The following NEK5 variants were observed in gnomAD, a reference collection of about 807,000 sequenced individuals.
The protein encoded by NEK5 is NIMA related kinase 5.
Under a neutral mutation model 109.2 loss-of-function variants are expected in NEK5, and 88 were observed. The observed-to-expected ratio is 0.81, with a 90% confidence interval of 0.68 to 0.96. The LOEUF is 0.96. Among genes scored for constraint, NEK5 ranks in the 40% least tolerant of loss-of-function variants. The probability of loss-of-function intolerance (pLI) is 0.00; values close to 1 mark genes in which losing one functional copy is unlikely to be tolerated. For synonymous variants in NEK5, 283 were observed against 299.9 expected (o/e 0.94, Z 0.58); for missense variants, 834 against 920.7 (o/e 0.91, Z 1.22).
At chr13:52,127,275 T>C in intron 3 of NEK5, 91 bp downstream of exon 3, 1 of 741,066 alleles carries the variant, frequency 1.3e-6, no homozygotes, top group Non-Finnish European at 2.3e-6. Context: ...AAATTCGAAA[T>C]TATAAAAAAT....
Position 52,104,513 on chromosome 13 carries a change from G to A in NEK5, c.594C>T (p.Cys198=), listed in dbSNP as rs1231973542. 13 of 1,604,950 alleles carry A rather than the reference G, an allele frequency of 8.1e-6. No homozygotes were observed. The East Asian group carries it at 2.9e-4, about 36-fold the overall frequency. Residue 198 remains cysteine (C), a synonymous_variant, in exon 9 of 24, where the codon TGC becomes TGT. Coordinates refer to ENST00000684899, the MANE Select transcript of NEK5 (RefSeq NM_001365552.1). ...GCATACTTACAGGATGTTTAAGTGT[G>A]CAGAGCTCATATAAGACACAGCCAA... ...WSLGCVLYEL[C]TLKHPFEGNN... is the part of the protein sequence containing the mutation.
At chr13:52,127,005 T>C (rs559034868) in intron 3 of NEK5, among the ~76,000 whole-genome samples, 51 of 152,276 alleles carry the variant, frequency 3.3e-4, no homozygotes, top group African/African-American at 1.2e-3. Flanking sequence ...AGGAGGGCCA[T>C]AGGAGCCACA....
In NEK5 at chr13:52,118,163, A is replaced by G. The variant is rs549109261; in HGVS notation, c.214+1156T>C. On this transcript the variant is annotated intron_variant, in intron 4 of 23. Transcript: ENST00000684899. ...GTGCTCTGCACAGTTTACATACTCA[A>G]GACACAGTGGCTGTATTTATTTATT... 7.2e-5 allele frequency among the ~76,000 whole-genome samples: 11 copies of G among 152,382 alleles called. No individual in the cohort carries two copies. The South Asian group carries it at 2.1e-3, about 29-fold the overall frequency.
chr13:52,119,775 C>G (rs1955934287), intron 3 of NEK5, among the ~76,000 whole-genome samples: 1 of 152,112 alleles, frequency 6.6e-6, no homozygotes, highest in Non-Finnish European at 1.5e-5. Flanking sequence ...GGAGCAATCA[C>G]TGCTGAGAAG....
chr13:52,042,922 G>A (rs1429029793), intron 23 of NEK5, among the ~76,000 whole-genome samples: 4 of 151,922 alleles, frequency 2.6e-5, no homozygotes, highest in Admixed American at 6.6e-5. Context: ...GTATGGTAGA[G>A]TGAAATCCAA....
chr13:52,066,238 G>A (rs1263086428), intron 20 of NEK5, among the ~76,000 whole-genome samples: 2 of 152,096 alleles, frequency 1.3e-5, no homozygotes, highest in Non-Finnish European at 2.9e-5. Flanking sequence ...CTTTATGAAT[G>A]TAATATAACT....
chr13:52,052,191 A>C (rs1185952987), intron 22 of NEK5, among the ~76,000 whole-genome samples: 1 of 151,750 alleles, frequency 6.6e-6, no homozygotes, highest in African/African-American at 2.4e-5. Context: ...TCTCCCTAAA[A>C]TGTATAAAAG....
chr13:52,111,140 A>C (rs764068373), intron 5 of NEK5, among the ~76,000 whole-genome samples: 2 of 152,216 alleles, frequency 1.3e-5, no homozygotes, highest in Non-Finnish European at 2.9e-5. Context: ...ATTTGATTTT[A>C]TCTTTGTTGA....
chr13:52,084,754 AGAGAGAGAGTGTGTGTGTGT>A (rs1447303483), intron 16 of NEK5, among the ~76,000 whole-genome samples: 6 of 51,436 alleles, frequency 1.2e-4, no homozygotes, highest in African/African-American at 2.6e-4. Context: ...AGAGAGAGAG[AGAGAGAGAGTGTGTGTGTGT>A]GTGTGTGTGT....
At position 52,108,387 on chromosome 13, in the gene NEK5, C is replaced by T. The variant is rs1285608963; in HGVS notation, c.485G>A (p.Arg162Gln). The change falls in exon 8 of 24, where the codon CGA (arginine) becomes CAA (glutamine). Residue 162 changes from arginine to glutamine, a missense_variant. Transcript: ENST00000684899. ...RVLNNSMELA[R>Q]TCIGTPYYLS... ...GTAGTAAGGTGTTCCAATACAAGTT[C>T]GAGCAAGTTCCATGGAACTAGTAAA... is the stretch of plus-strand genomic sequence containing the variant. 21 of 1,603,222 alleles carry T rather than the reference C, an allele frequency of 1.3e-5. No individual in the cohort carries two copies. Among genetic ancestry groups the T allele is most frequent in the Middle Eastern group, 1.7e-4 (1 of 6,046 alleles).
At chr13:52,103,105 A>G (rs562410150) in intron 9 of NEK5, among the ~76,000 whole-genome samples, 1 of 152,310 alleles carries the variant, frequency 6.6e-6, no homozygotes, top group South Asian at 2.1e-4. Flanking sequence ...ATTTATACAT[A>G]ATAATATTCA....
chr13:52,050,611 C>T (rs1183666243), intron 22 of NEK5, among the ~76,000 whole-genome samples: 15 of 134,772 alleles, frequency 1.1e-4, no homozygotes, highest in East Asian at 4.4e-4. Context: ...ACACCTTCAT[C>T]TTTTTTTTTT....
In NEK5 at chr13:52,063,405, C is replaced by T. The variant is rs1475736958; in HGVS notation, c.1976-1452G>A. On this transcript the variant is annotated intron_variant, in intron 21 of 23. Coordinates refer to ENST00000684899, the MANE Select transcript of NEK5 (RefSeq NM_001365552.1). ...TGGTGCCCAGGCTGGAGTGCAGTGGCGTGATCGCGGCTCGCTACAACCTCC... is the reference window on the plus strand; with the variant it reads ...TGGTGCCCAGGCTGGAGTGCAGTGGTGTGATCGCGGCTCGCTACAACCTCC... 5.9e-5 allele frequency among the ~76,000 whole-genome samples: 9 copies of T among 152,310 alleles called. No individual in the cohort carries two copies. The East Asian group carries it at 1.5e-3, about 26-fold the overall frequency.
At chr13:52,127,730 T>C in intron 1 of NEK5, 68 bp from the exon 2 acceptor site, 1 of 380,572 alleles carries the variant, frequency 2.6e-6, no homozygotes. Context: ...TTTTGCCCTG[T>C]ATTCTCGGGT....
At chr13:52,089,970 A>AG (rs958103379) in intron 13 of NEK5, among the ~76,000 whole-genome samples, 2 of 152,042 alleles carry the variant, frequency 1.3e-5, no homozygotes, top group Non-Finnish European at 2.9e-5. Flanking sequence ...TCAAAAAAAA[A>AG]AGAAAAAAAG....
intron 22 of NEK5, among the ~76,000 whole-genome samples, chr13:52,056,051 C>A (rs1203123099): frequency 6.6e-6 from 1 of 151,810 alleles, no homozygotes; most frequent in Non-Finnish European, 1.5e-5. Flanking sequence ...TTCAGGAAAC[C>A]CATCTCACAT....
chr13:52,122,889 T>A (rs1024086332), intron 3 of NEK5, among the ~76,000 whole-genome samples: 7 of 152,390 alleles, frequency 4.6e-5, no homozygotes, highest in South Asian at 4.1e-4. Flanking sequence ...AAAGAGGTTA[T>A]ATGCTATTTT....
chr13:52,068,858 T>C (rs1954735262), intron 20 of NEK5, among the ~76,000 whole-genome samples: 1 of 151,926 alleles, frequency 6.6e-6, no homozygotes, highest in Non-Finnish European at 1.5e-5. Context: ...CTATGCCAGC[T>C]ACTCAGGGAG....
At chr13:52,113,508 T>G (rs1955795534) in intron 4 of NEK5, among the ~76,000 whole-genome samples, 1 of 152,062 alleles carries the variant, frequency 6.6e-6, no homozygotes. Context: ...TTGAATGAAA[T>G]GAATGAAATA....
Sources: gnomAD v4.1 joint callset for allele counts (sites outside exome capture counted in the v4.1 genomes callset) on GRCh38, gnomAD v4.1.1 for gene constraint, MANE v1.5 for transcripts, NCBI Gene and HGNC (gene_info 2026-07-23, HGNC 2026-07-21) for gene names.